The following GLRB variants were observed in gnomAD, a reference collection of about 807,000 sequenced individuals.
GLRB encodes glycine receptor beta.
A neutral mutation model predicts 54.2 loss-of-function variants in GLRB; 33 were observed. That is an observed-to-expected ratio of 0.61 (90% CI 0.46 to 0.81). GLRB has a LOEUF of 0.81. GLRB is among the 40% of genes least tolerant of loss of function. The pLI is 0.00. For missense variants in GLRB, 572 were observed against 584.6 expected, an observed-to-expected ratio of 0.98 and a Z score of 0.22; for synonymous variants, 209 against 208.2, an observed-to-expected ratio of 1.00 and a Z score of -0.03.
chr4:157,118,125 A>G (rs1203464923), intron 2 of GLRB, among the ~76,000 whole-genome samples: 2 of 151,666 alleles, frequency 1.3e-5, no homozygotes, highest in Admixed American at 6.6e-5. Flanking sequence ...GCCTACAGCT[A>G]GAAGCAGAAA....
chr4:157,154,737 T>G (rs1286951047), intron 9 of GLRB, among the ~76,000 whole-genome samples: 1 of 152,180 alleles, frequency 6.6e-6, no homozygotes, highest in Non-Finnish European at 1.5e-5. Context: ...CTCTTTTTCC[T>G]TTTTTAATGT....
intron 2 of GLRB, among the ~76,000 whole-genome samples, chr4:157,099,019 T>C (rs867276695): frequency 2.6e-5 from 4 of 152,082 alleles, no homozygotes; most frequent in Non-Finnish European, 5.9e-5. Context: ...TAAAGTTTGG[T>C]CAAGTTGAGT....
At chr4:157,112,908 A>G (rs1219380141) in intron 2 of GLRB, among the ~76,000 whole-genome samples, 1 of 151,950 alleles carries the variant, frequency 6.6e-6, no homozygotes. Context: ...AGCATCCACC[A>G]TAGGTAGAAT....
intron 2 of GLRB, among the ~76,000 whole-genome samples, chr4:157,086,804 A>G (rs1166700533): frequency 1.3e-5 from 2 of 152,176 alleles, no homozygotes; most frequent in Non-Finnish European, 2.9e-5. Context: ...ACACGACCCA[A>G]ATAACATCAA....
At chr4:157,110,037 A>G (rs1234539688) in intron 2 of GLRB, among the ~76,000 whole-genome samples, 1 of 151,930 alleles carries the variant, frequency 6.6e-6, no homozygotes, top group Non-Finnish European at 1.5e-5. Flanking sequence ...GCCATTGGTG[A>G]TCAACTCAAC....
intron 9 of GLRB, among the ~76,000 whole-genome samples, chr4:157,161,100 C>G (rs1737468789): frequency 6.6e-6 from 1 of 152,052 alleles, no homozygotes; most frequent in South Asian, 2.1e-4. Flanking sequence ...CCTTCTTTGT[C>G]TCTTTTGATC....
intron 8 of GLRB, 88 bp downstream of exon 8, chr4:157,144,047 A>G (rs1203898685): frequency 1.8e-5 from 24 of 1,338,356 alleles, no homozygotes; most frequent in Non-Finnish European, 2.4e-5. Context: ...TGAAACAATG[A>G]GTTTTAGAAT....
chr4:157,126,772 C>T (rs991691459), intron 4 of GLRB, among the ~76,000 whole-genome samples: 4 of 151,768 alleles, frequency 2.6e-5, no homozygotes, highest in African/African-American at 9.7e-5. Context: ...TGTGACCTAT[C>T]GAACTTATGT....
At chr4:157,169,408 T>C (rs986787167) in intron 9 of GLRB, among the ~76,000 whole-genome samples, 2 of 152,094 alleles carry the variant, frequency 1.3e-5, no homozygotes, top group Non-Finnish European at 2.9e-5. Context: ...CTAAGAGCAT[T>C]TTGATTACTA....
intron 4 of GLRB, among the ~76,000 whole-genome samples, chr4:157,124,510 T>G (rs1366211335): frequency 6.6e-6 from 1 of 151,812 alleles, no homozygotes; most frequent in Non-Finnish European, 1.5e-5. Flanking sequence ...AGGCACTCAA[T>G]GGTGAACACA....
At chr4:157,099,558 A>G (rs1255829448) in intron 2 of GLRB, among the ~76,000 whole-genome samples, 2 of 151,540 alleles carry the variant, frequency 1.3e-5, no homozygotes, top group African/African-American at 2.4e-5. Context: ...GCTGTCTGGA[A>G]CTCCTGACCT....
intron 4 of GLRB, among the ~76,000 whole-genome samples, chr4:157,123,244 T>G (rs1226480946): frequency 6.6e-6 from 1 of 151,742 alleles, no homozygotes; most frequent in East Asian, 1.9e-4. Context: ...TTTATTTTAT[T>G]AAATATAAGA....
intron 2 of GLRB, among the ~76,000 whole-genome samples, chr4:157,117,897 C>A (rs1040360413): frequency 6.6e-6 from 1 of 151,582 alleles, no homozygotes; most frequent in South Asian, 2.1e-4. Context: ...AAAATCATTG[C>A]CAAACAATAT....
At chr4:157,097,758 C>T (rs1222025906) in intron 2 of GLRB, among the ~76,000 whole-genome samples, 4 of 152,180 alleles carry the variant, frequency 2.6e-5, no homozygotes, top group African/African-American at 4.8e-5. Flanking sequence ...CACTGGCTCA[C>T]GCCCGTAATC....
At chr4:157,084,574 G>T (rs1486890534) in intron 2 of GLRB, 1 of 455,712 alleles carries the variant, frequency 2.2e-6, no homozygotes, top group Non-Finnish European at 4.4e-6. Flanking sequence ...GAGAAAATGT[G>T]ATTTCTTTGT....
chr4:157,136,948 A>G, intron 6 of GLRB, 62 bp downstream of exon 6: 1 of 956,868 alleles, frequency 1.0e-6, no homozygotes, highest in South Asian at 1.3e-5. Context: ...TGGGTAATAC[A>G]TTCTACTGAC....
At chr4:157,099,920 T>A (rs1284546464) in intron 2 of GLRB, among the ~76,000 whole-genome samples, 2 of 152,194 alleles carry the variant, frequency 1.3e-5, no homozygotes, top group African/African-American at 4.8e-5. Flanking sequence ...TTGATGTTAT[T>A]GAGCACCTTT....
chr4:157,117,952 C>A (rs1735665541), intron 2 of GLRB, among the ~76,000 whole-genome samples: 1 of 151,512 alleles, frequency 6.6e-6, no homozygotes, highest in African/African-American at 2.4e-5. Context: ...ATGGTTGATG[C>A]AAGATTTTAC....
chr4:157,154,826 T>G (rs566238234), intron 9 of GLRB, among the ~76,000 whole-genome samples: 2 of 152,318 alleles, frequency 1.3e-5, no homozygotes, highest in African/African-American at 4.8e-5. Flanking sequence ...GTTTAACTTC[T>G]TTAGTGGTTG....
Sources: gnomAD v4.1 joint callset for allele counts (sites outside exome capture counted in the v4.1 genomes callset) on GRCh38, gnomAD v4.1.1 for gene constraint, MANE v1.5 for transcripts, NCBI Gene and HGNC (gene_info 2026-07-23, HGNC 2026-07-21) for gene names.